Variants in ERI3 observed in about 807,000 individuals in gnomAD.
ERI3 encodes the protein ERI1 exoribonuclease family member 3.
A neutral mutation model predicts 44.4 loss-of-function variants in ERI3; 18 were observed. The observed-to-expected ratio is 0.41, with a 90% CI of 0.28 to 0.60. The LOEUF (loss-of-function observed/expected upper bound fraction) is 0.60. Ranked by LOEUF, ERI3 falls within the 20% of genes least tolerant of loss-of-function variation. ERI3 has a pLI of 0.36. For synonymous variants in ERI3, 183 were observed against 164.8 expected (o/e 1.11, Z -0.84); for missense variants, 294 against 435.5 (o/e 0.68, Z 2.89).
At chr1:44,311,490 A>G (rs1307529531) in intron 5 of ERI3, among the ~76,000 whole-genome samples, 1 of 152,172 alleles carries the variant, frequency 6.6e-6, no homozygotes, top group Non-Finnish European at 1.5e-5. Context: ...GGCTGATACC[A>G]GGAATTTTCC....
At chr1:44,259,959 T>C (rs775463829) in intron 7 of ERI3, among the ~76,000 whole-genome samples, 3 of 148,986 alleles carry the variant, frequency 2.0e-5, no homozygotes, top group Non-Finnish European at 4.4e-5. Flanking sequence ...AGTAGTTCCT[T>C]TGCACATCTA....
chr1:44,293,756 C>A (rs2154324884), intron 6 of ERI3, among the ~76,000 whole-genome samples: 1 of 152,356 alleles, frequency 6.6e-6, no homozygotes, highest in South Asian at 2.1e-4. Flanking sequence ...GTTCTTTCCA[C>A]AATGCCACAC....
chr1:44,261,963 A>T (rs766405969), intron 7 of ERI3, among the ~76,000 whole-genome samples: 1 of 152,146 alleles, frequency 6.6e-6, no homozygotes. Context: ...GCAGAACAGG[A>T]AGGGAACAGA....
intron 7 of ERI3, among the ~76,000 whole-genome samples, chr1:44,268,256 G>C (rs570902766): frequency 1.6e-5 from 2 of 127,652 alleles, no homozygotes; most frequent in Admixed American, 1.5e-4. Context: ...TGAGTCCAGA[G>C]GTCCCAACCC....
intron 7 of ERI3, among the ~76,000 whole-genome samples, chr1:44,282,266 G>T (rs753967616): frequency 3.3e-5 from 5 of 152,022 alleles, no homozygotes; most frequent in Non-Finnish European, 5.9e-5. Flanking sequence ...CACTCACTAG[G>T]CAAGTCTCAG....
Position 44,261,999 on chromosome 1 carries a change from G to A in ERI3, c.832-13961C>T, listed in dbSNP as rs79646519. The stretch of plus-strand genomic sequence containing the variant: ...GTAGAGGGAGGATCTGCTTGGGGTC[G>A]TTCCCGAAGGCTCTGTCCTCACATC... On this transcript the variant is annotated intron_variant, in intron 7 of 8. Transcript: ENST00000372257. 1.1e-3 allele frequency among the ~76,000 whole-genome samples: 163 copies of A among 152,268 alleles called. 3 individuals carry two copies. In the East Asian group the frequency reaches 0.029, roughly 27 times the overall value.
intron 8 of ERI3, chr1:44,242,047 C>A: frequency 1.0e-6 from 1 of 985,692 alleles, no homozygotes; most frequent in Non-Finnish European, 1.2e-6. Context: ...AGCACCCTCT[C>A]CCCAGGCACT....
At chr1:44,225,915 T>A (rs554510239) in intron 8 of ERI3, among the ~76,000 whole-genome samples, 40 of 152,300 alleles carry the variant, frequency 2.6e-4, no homozygotes, top group African/African-American at 9.1e-4. Flanking sequence ...CTCAGTGATC[T>A]TGTACCATAT....
chr1:44,238,196 C>T (rs78521986), intron 8 of ERI3, among the ~76,000 whole-genome samples: 1,850 of 152,216 alleles, frequency 0.012, 72 homozygotes, highest in East Asian at 0.069. Flanking sequence ...CTCCCTCCCC[C>T]ACCAGAGCCA....
rs1218459300 is a variant in ERI3, at chr1:44,322,690, T to C, written c.490-2946A>G. 17 of 1,514,254 alleles carry C rather than the reference T, an allele frequency of 1.1e-5. No individual in the cohort carries two copies. In the Admixed American group the frequency reaches 2.9e-4, roughly 26 times the overall value. The allele number at this position is 1,514,254 out of a possible 1,614,324, so 93.8% of individuals were successfully genotyped here. ...TCTGAGAAAAGACTCTCTGAGAAAT[T>C]AGAGCAGCAAGGACCTCACTGAGGT... On this transcript the variant is annotated intron_variant, in intron 3 of 8. Coordinates refer to ENST00000372257, the MANE Select transcript of ERI3 (RefSeq NM_024066.3).
chr1:44,289,318 G>A (rs1645456902), intron 6 of ERI3, among the ~76,000 whole-genome samples: 1 of 152,108 alleles, frequency 6.6e-6, no homozygotes, highest in South Asian at 2.1e-4. Context: ...AAAGACTATG[G>A]GTCTAAGGCC....
chr1:44,342,719 T>G (rs1646679514), intron 2 of ERI3, among the ~76,000 whole-genome samples: 1 of 144,650 alleles, frequency 6.9e-6, no homozygotes, highest in Non-Finnish European at 1.5e-5. Flanking sequence ...CAATCATAGC[T>G]CACTGCAGCC....
intron 7 of ERI3, among the ~76,000 whole-genome samples, chr1:44,267,600 T>G (rs1449767918): frequency 6.6e-6 from 1 of 152,216 alleles, no homozygotes; most frequent in African/African-American, 2.4e-5. Context: ...GTTAAACAAC[T>G]GCCGGGTAAT....
intron 7 of ERI3, among the ~76,000 whole-genome samples, chr1:44,278,996 C>T (rs1645234948): frequency 6.6e-6 from 1 of 152,232 alleles, no homozygotes; most frequent in African/African-American, 2.4e-5. Context: ...TCTACTGCCA[C>T]ATGTGGCTAG....
chr1:44,351,905 G>T (rs1288148235), intron 2 of ERI3, among the ~76,000 whole-genome samples: 1 of 152,022 alleles, frequency 6.6e-6, no homozygotes, highest in Non-Finnish European at 1.5e-5. Flanking sequence ...TCCTCTGAGA[G>T]GCCTTCCCTG....
Position 44,355,184 on chromosome 1 carries a change from C to A in ERI3, c.-158G>T. 2 of 1,204,854 alleles carry A rather than the reference C, an allele frequency of 1.7e-6. No individual in the cohort carries two copies. The highest frequency in any genetic ancestry group is 2.1e-6 in the Non-Finnish European group (2 of 970,356). The allele number at this position is 1,204,854 out of a possible 1,614,324, so 74.6% of individuals were successfully genotyped here. On this transcript the variant is annotated 5_prime_UTR_variant, in exon 1 of 9. Coordinates refer to ENST00000372257, the MANE Select transcript of ERI3 (RefSeq NM_024066.3). ...CCAGGCAGAGGCAGGGCCAGCTCCG[C>A]CCGCTCCCCACCGCCCGTTCCCGGC...
At chr1:44,341,240 T>C (rs950147278) in intron 2 of ERI3, among the ~76,000 whole-genome samples, 1 of 152,188 alleles carries the variant, frequency 6.6e-6, no homozygotes, top group Non-Finnish European at 1.5e-5. Flanking sequence ...CAATTCCTCA[T>C]CTGTAAAATG....
Position 44,235,744 on chromosome 1 carries a change from C to G in ERI3, c.931+12195G>C, listed in dbSNP as rs1644289975. ...TTCTAGCATCTTGGTTTCCCCAGGA[C>G]TTCACTGTGCCAGGAGACTGGCTAG... On this transcript the variant is annotated intron_variant, in intron 8 of 8. Transcript: ENST00000372257. This position sits in a 1 kb window ranked among gnomAD's most constrained non-coding sequence, Gnocchi z 4.6. 6.6e-6 allele frequency among the ~76,000 whole-genome samples: 1 copy of G among 152,190 alleles called. No individual in the cohort carries two copies. The highest frequency in any genetic ancestry group is 2.1e-4 in the South Asian group (1 of 4,824).
At chr1:44,319,774 A>C (rs375958313) in intron 3 of ERI3, 30 bp from the exon 4 acceptor site, 22 of 1,491,288 alleles carry the variant, frequency 1.5e-5, no homozygotes, top group Non-Finnish European at 2.1e-5. Context: ...GAAAAGGAAA[A>C]ATAAGTTATT....
Sources: gnomAD v4.1 joint callset for allele counts (sites outside exome capture counted in the v4.1 genomes callset) on GRCh38, gnomAD v4.1.1 for gene constraint, Gnocchi (gnomAD v3.1) non-coding constraint, MANE v1.5 for transcripts, NCBI Gene and HGNC (gene_info 2026-07-23, HGNC 2026-07-21) for gene names.